The following CSMD1 variants were observed in gnomAD, a reference collection of about 807,000 sequenced individuals.
CSMD1 encodes the protein CUB and sushi domain-containing protein 1.
A neutral mutation model predicts 417.5 loss-of-function variants in CSMD1; 213 were observed. That is an observed-to-expected ratio of 0.51 (90% CI 0.46 to 0.57). The LOEUF (loss-of-function observed/expected upper bound fraction) is 0.57, where lower values mean the gene tolerates loss of function less well. Ranked by LOEUF, CSMD1 falls within the 20% of genes least tolerant of loss-of-function variation. The pLI, the probability that CSMD1 is intolerant of heterozygous loss-of-function variation, is 0.00. For missense variants in CSMD1, 6,923 were observed against 4,529.7 expected, an observed-to-expected ratio of 1.53 and a Z score of -15.17; for synonymous variants, 2,862 against 1,736.8, an observed-to-expected ratio of 1.65 and a Z score of -16.11.
chr8:4,671,694 T>C (rs1474976929), intron 1 of CSMD1, among the ~76,000 whole-genome samples: 2 of 152,208 alleles, frequency 1.3e-5, no homozygotes, highest in Non-Finnish European at 2.9e-5. Context: ...TTATTTTTTC[T>C]TACCTCAAAA....
intron 3 of CSMD1, among the ~76,000 whole-genome samples, chr8:4,051,398 T>C (rs963585166): frequency 6.6e-6 from 1 of 151,822 alleles, no homozygotes; most frequent in Non-Finnish European, 1.5e-5. Context: ...TCCAACCCAG[T>C]AGCATAATGT....
intron 61 of CSMD1, among the ~76,000 whole-genome samples, chr8:2,962,211 G>C (rs1803552404): frequency 6.6e-6 from 1 of 152,174 alleles, no homozygotes; most frequent in Non-Finnish European, 1.5e-5. Context: ...AGCGGAGAGA[G>C]CCACTGAGGT....
chr8:4,854,337 T>G (rs1036457958), intron 1 of CSMD1, among the ~76,000 whole-genome samples: 11 of 152,324 alleles, frequency 7.2e-5, no homozygotes, highest in African/African-American at 2.4e-4. Flanking sequence ...AATGGCTTCC[T>G]GCTGTCCTCA....
intron 7 of CSMD1, among the ~76,000 whole-genome samples, chr8:3,657,230 A>G (rs1029528373): frequency 2.6e-5 from 4 of 152,214 alleles, no homozygotes; most frequent in African/African-American, 9.6e-5. Flanking sequence ...TTGGGGTATA[A>G]TCAACATACA....
chr8:3,035,930 G>C (rs1351249664), intron 50 of CSMD1, among the ~76,000 whole-genome samples: 1 of 152,072 alleles, frequency 6.6e-6, no homozygotes, highest in African/African-American at 2.4e-5. Context: ...ACAAATTCAG[G>C]AGAACATTTA....
chr8:3,776,845 G>C (rs1413549880), intron 5 of CSMD1, among the ~76,000 whole-genome samples: 1 of 125,488 alleles, frequency 8.0e-6, no homozygotes, highest in South Asian at 2.3e-4. Context: ...ATCATACATA[G>C]AATGACAGAT....
At chr8:3,362,880 T>C (rs976806850) in intron 20 of CSMD1, among the ~76,000 whole-genome samples, 8 of 152,216 alleles carry the variant, frequency 5.3e-5, no homozygotes, top group Admixed American at 2.0e-4. Flanking sequence ...GCTGGGATTA[T>C]TGTGTAACAT....
At chr8:4,813,281 A>G (rs1409574920) in intron 1 of CSMD1, among the ~76,000 whole-genome samples, 1 of 152,208 alleles carries the variant, frequency 6.6e-6, no homozygotes, top group African/African-American at 2.4e-5. Flanking sequence ...TCTGTTAAAA[A>G]ATAAACAAAT....
At chr8:3,635,268 G>A (rs1373554074) in intron 7 of CSMD1, among the ~76,000 whole-genome samples, 2 of 152,010 alleles carry the variant, frequency 1.3e-5, no homozygotes, top group African/African-American at 2.4e-5. Flanking sequence ...GAGGTCAGGT[G>A]TTCAAGACCA....
At chr8:4,121,968 T>C (rs1207121882) in intron 3 of CSMD1, among the ~76,000 whole-genome samples, 1 of 152,056 alleles carries the variant, frequency 6.6e-6, no homozygotes, top group African/African-American at 2.4e-5. Context: ...ATTTTAATAA[T>C]GCTTATGTAT....
At chr8:3,566,951 T>C (rs927422585) in intron 10 of CSMD1, among the ~76,000 whole-genome samples, 2 of 152,326 alleles carry the variant, frequency 1.3e-5, no homozygotes, top group Admixed American at 6.5e-5. Context: ...ATATAAATTG[T>C]TCTATCATAA....
At chr8:4,767,109 T>C (rs1812519647) in intron 1 of CSMD1, among the ~76,000 whole-genome samples, 1 of 152,330 alleles carries the variant, frequency 6.6e-6, no homozygotes, top group East Asian at 1.9e-4. Flanking sequence ...TATCTAAAAA[T>C]GATTTGGATT....
rs1563163139 is a variant in CSMD1, at chr8:2,937,454, A to AAAAAAAAAAAAAAAAAAAAAC, written c.*1130_*1131insGTTTTTTTTTTTTTTTTTTTT. ...GTAAAAGACAAAAAAAAAAAAAAACAAAAAAAAAACACTGCAAAAGGGAAG... is the reference window on the plus strand; with the variant it reads ...GTAAAAGACAAAAAAAAAAAAAAACAAAAAAAAAAAAAAAAAAAAACAAAAAAAAACACTGCAAAAGGGAAG... On this transcript the variant is annotated 3_prime_UTR_variant, in exon 70 of 70. Coordinates refer to ENST00000635120, the MANE Select transcript of CSMD1 (RefSeq NM_033225.6). 1 of 69,742 alleles carries AAAAAAAAAAAAAAAAAAAAAC rather than the reference A, an allele frequency of 1.4e-5. No individual in the cohort carries two copies. Among genetic ancestry groups the AAAAAAAAAAAAAAAAAAAAAC allele is most frequent in the Non-Finnish European group, 2.8e-5 (1 of 36,158 alleles). 4.3% of individuals were successfully genotyped at this position (69,742 alleles called of 1,614,324 possible).
chr8:3,396,580 C>T (rs1811715011), intron 16 of CSMD1, among the ~76,000 whole-genome samples, 199 bp from the exon 17 acceptor site: 1 of 152,020 alleles, frequency 6.6e-6, no homozygotes. Context: ...AGCTTAAATC[C>T]CTTTCTCTTA....
intron 4 of CSMD1, among the ~76,000 whole-genome samples, chr8:4,031,392 G>A (rs1042220772): frequency 1.3e-5 from 2 of 152,202 alleles, no homozygotes; most frequent in South Asian, 2.1e-4. Context: ...GGCAAAGAGA[G>A]AGCTTGTGCA....
chr8:4,523,635 C>T (rs1445925898), intron 2 of CSMD1, among the ~76,000 whole-genome samples: 1 of 152,084 alleles, frequency 6.6e-6, no homozygotes, highest in African/African-American at 2.4e-5. Flanking sequence ...AACCAAGGTT[C>T]CAGTCCGGGG....
intron 5 of CSMD1, among the ~76,000 whole-genome samples, chr8:3,793,168 T>C (rs142997936): frequency 2.6e-5 from 4 of 152,316 alleles, no homozygotes; most frequent in Non-Finnish European, 5.9e-5. Context: ...GCAGAGGGGC[T>C]GATGGATTTT....
At chr8:4,217,925 C>G (rs749757946) in intron 3 of CSMD1, among the ~76,000 whole-genome samples, 1 of 152,138 alleles carries the variant, frequency 6.6e-6, no homozygotes, top group African/African-American at 2.4e-5. Context: ...GAACAAGATT[C>G]AGGAGCAAAG....
At chr8:3,372,548 G>A (rs903312888) in intron 18 of CSMD1, among the ~76,000 whole-genome samples, 1 of 152,150 alleles carries the variant, frequency 6.6e-6, no homozygotes, top group Non-Finnish European at 1.5e-5. Context: ...TGTCCTGAAG[G>A]TAGAGCCGGT....
Sources: gnomAD v4.1 joint callset for allele counts (sites outside exome capture counted in the v4.1 genomes callset) on GRCh38, gnomAD v4.1.1 for gene constraint, MANE v1.5 for transcripts, NCBI Gene and HGNC (gene_info 2026-07-23, HGNC 2026-07-21) for gene names.